Variants in GALNT12 observed in about 807,000 individuals in gnomAD.
GALNT12 encodes the protein UDP-GalNAc:polypeptide N-acetylgalactosaminyltransferase 12.
GALNT12 carries 45 observed loss-of-function variants against 55.5 expected under a neutral mutation model. The ratio of observed to expected loss-of-function variants is 0.81; its 90% CI spans 0.64 to 1.04. The LOEUF is 1.04. Ranked by LOEUF, GALNT12 falls within the 50% of genes least tolerant of loss-of-function variation. The pLI is 0.00. For synonymous variants in GALNT12, 304 were observed against 312.2 expected (o/e 0.97, Z 0.28); for missense variants, 709 against 754.8 (o/e 0.94, Z 0.71).
intron 3 of GALNT12, among the ~76,000 whole-genome samples, chr9:98,828,746 A>G (rs957286283): frequency 6.6e-6 from 1 of 152,224 alleles, no homozygotes; most frequent in Non-Finnish European, 1.5e-5. Context: ...ACAGGCATGC[A>G]ATGCATAATA....
chr9:98,835,267 T>C lies in GALNT12; in HGVS notation c.936T>C (p.Gly312=). Residue 312 remains glycine (G), a synonymous_variant, in exon 5 of 10, where the codon GGT becomes GGC. Transcript: ENST00000375011. ...TTTTTAGGTCTCCAACAATGGCTGG[T>C]GGGCTGTTTGCTGTGAGTAAGAAAT... ...VDVIRSPTMA[G]GLFAVSKKYF... 6.2e-7 allele frequency: 1 copy of C among 1,613,088 alleles called. No individual in the cohort carries two copies. Among genetic ancestry groups the C allele is most frequent in the Non-Finnish European group, 8.5e-7 (1 of 1,179,240 alleles).
At chr9:98,810,268 A>G (rs1835466317) in intron 1 of GALNT12, among the ~76,000 whole-genome samples, 2 of 152,044 alleles carry the variant, frequency 1.3e-5, no homozygotes, top group South Asian at 2.1e-4. Flanking sequence ...ATGTTGCAGG[A>G]GGGAGGGCCC....
intron 3 of GALNT12, among the ~76,000 whole-genome samples, chr9:98,827,986 C>G (rs1835898696): frequency 6.6e-6 from 1 of 152,146 alleles, no homozygotes; most frequent in African/African-American, 2.4e-5. Flanking sequence ...CCATGCTCTG[C>G]CTCGTCTCTC....
chr9:98,808,216 C>T, intron 1 of GALNT12, 147 bp downstream of exon 1: 1 of 608,424 alleles, frequency 1.6e-6, no homozygotes, highest in South Asian at 2.2e-5. Flanking sequence ...TGTAAGAGCT[C>T]ACATGGGGGC....
intron 1 of GALNT12, among the ~76,000 whole-genome samples, chr9:98,821,982 C>T (rs976555361): frequency 3.9e-5 from 6 of 152,156 alleles, no homozygotes; most frequent in African/African-American, 9.7e-5. Flanking sequence ...ATCTGACATG[C>T]GGTAGGTGCT....
At chr9:98,845,783 C>T (rs1423290065) in intron 8 of GALNT12, among the ~76,000 whole-genome samples, 194 bp from the exon 9 acceptor site, 1 of 152,146 alleles carries the variant, frequency 6.6e-6, no homozygotes, top group Non-Finnish European at 1.5e-5. Context: ...CCTCCACGCT[C>T]ATGAAGCACT....
At position 98,823,326 on chromosome 9, in the gene GALNT12, G is replaced by A; in HGVS notation, c.442G>A (p.Ala148Thr). Residue 148 changes from alanine (A) to threonine (T), a missense_variant, in exon 2 of 10, where the codon GCC (alanine) becomes ACC (threonine). Ala to Thr is a moderately conservative substitution (Grantham distance 58, BLOSUM62 0). This residue lies in a region of GALNT12 where 315 missense variants were observed against 288.6 expected (regional missense o/e 1.09). Coordinates refer to ENST00000375011, the MANE Select transcript of GALNT12 (RefSeq NM_024642.5). ...TSVIIAFYNE[A>T]WSTLLRTVYS... ...TGTTATCATAGCATTTTATAATGAA[G>A]CCTGGTCAACTCTCCTTCGGACAGT... 6.2e-7 allele frequency: 1 copy of A among 1,613,920 alleles called. No homozygotes were observed. Among genetic ancestry groups the A allele is most frequent in the African/African-American group, 1.3e-5 (1 of 75,042 alleles).
Position 98,844,142 on chromosome 9 carries a change from C to T in GALNT12, c.1391C>T (p.Pro464Leu), listed in dbSNP as rs2118493912. 6.2e-7 allele frequency: 1 copy of T among 1,613,984 alleles called. No individual in the cohort carries two copies. Among genetic ancestry groups the T allele is most frequent in the Non-Finnish European group, 8.5e-7 (1 of 1,179,938 alleles). ...GACTACTGCTTTGACTATAACCCTC[C>T]CGATGAAAACCAGATTGTGGGACAC... Reference protein sequence around the residue: ...LTDYCFDYNPPDENQIVGHQV... With the variant: ...LTDYCFDYNPLDENQIVGHQV... The change falls in exon 8 of 10, where the codon CCC (proline) becomes CTC (leucine). Residue 464 changes from proline (P) to leucine (L), a missense_variant. Transcript: ENST00000375011.
chr9:98,810,358 G>T (rs1835468318), intron 1 of GALNT12, among the ~76,000 whole-genome samples: 2 of 152,160 alleles, frequency 1.3e-5, no homozygotes, highest in African/African-American at 4.8e-5. Flanking sequence ...CAGAGCCACA[G>T]TCCATATCTG....
At chr9:98,835,160 G>C in intron 4 of GALNT12, 89 bp from the exon 5 acceptor site, 1 of 909,686 alleles carries the variant, frequency 1.1e-6, no homozygotes, top group Non-Finnish European at 1.9e-6. Context: ...CAGATGAACA[G>C]ATGAAAGGGC....
chr9:98,844,159 G>T lies in GALNT12; in HGVS notation c.1408G>T (p.Val470Leu), dbSNP rs1229455977. 1 of 1,614,052 alleles carries T rather than the reference G, an allele frequency of 6.2e-7. No individual in the cohort carries two copies. The highest frequency in any genetic ancestry group is 1.1e-5 in the South Asian group (1 of 91,078). The part of the protein sequence containing the change: ...DYNPPDENQI[V>L]GHQVILYLCH... The stretch of plus-strand genomic sequence containing the variant: ...TAACCCTCCCGATGAAAACCAGATT[G>T]TGGGACACCAGGTCATTCTGTACCT... The change falls in exon 8 of 10, where the codon GTG becomes TTG. Residue 470 changes from valine to leucine, a missense_variant. Coordinates refer to ENST00000375011, the MANE Select transcript of GALNT12 (RefSeq NM_024642.5).
At chr9:98,811,922 A>T (rs2118281848) in intron 1 of GALNT12, among the ~76,000 whole-genome samples, 1 of 152,218 alleles carries the variant, frequency 6.6e-6, no homozygotes, top group African/African-American at 2.4e-5. Context: ...ACCTCAGGAG[A>T]TCTGCCCGTG....
intron 9 of GALNT12, among the ~76,000 whole-genome samples, chr9:98,847,708 A>G (rs1564264742): frequency 6.6e-6 from 1 of 152,092 alleles, no homozygotes; most frequent in African/African-American, 2.4e-5. Context: ...ATATATATAT[A>G]AAACAAATAT....
intron 1 of GALNT12, among the ~76,000 whole-genome samples, chr9:98,816,810 C>A (rs1835622044): frequency 1.4e-5 from 2 of 138,380 alleles, no homozygotes; most frequent in African/African-American, 5.4e-5. Context: ...GCCACCATGT[C>A]CAGCTAATTT....
intron 6 of GALNT12, among the ~76,000 whole-genome samples, chr9:98,837,551 G>T (rs1310088175): frequency 6.6e-6 from 1 of 152,132 alleles, no homozygotes; most frequent in Non-Finnish European, 1.5e-5. Context: ...CTAACAGCAC[G>T]GTAACTCATG....
intron 4 of GALNT12, among the ~76,000 whole-genome samples, chr9:98,832,488 C>T (rs1048135101): frequency 4.6e-5 from 7 of 152,270 alleles, no homozygotes; most frequent in African/African-American, 1.7e-4. Flanking sequence ...AATTGTACTG[C>T]AGCCGGGCGA....
At chr9:98,812,821 A>G (rs1835523350) in intron 1 of GALNT12, among the ~76,000 whole-genome samples, 2 of 151,830 alleles carry the variant, frequency 1.3e-5, no homozygotes, top group Non-Finnish European at 2.9e-5. Flanking sequence ...TAGTAGTTAT[A>G]TTATCTATTT....
chr9:98,821,835 A>G (rs1473857192), intron 1 of GALNT12, among the ~76,000 whole-genome samples: 1 of 151,814 alleles, frequency 6.6e-6, no homozygotes, highest in African/African-American at 2.4e-5. Flanking sequence ...TCATTTTCAT[A>G]GTTTCAAAGT....
intron 2 of GALNT12, among the ~76,000 whole-genome samples, chr9:98,823,953 C>T (rs1054516184): frequency 1.4e-4 from 22 of 152,160 alleles, no homozygotes; most frequent in Non-Finnish European, 7.3e-5. Flanking sequence ...AGCATCAGCC[C>T]GTGAATCCTT....
Sources: allele counts gnomAD v4.1 joint callset (sites outside exome capture counted in the v4.1 genomes callset), GRCh38; gene constraint gnomAD v4.1.1; regional missense constraint gnomAD v4.1.1; transcripts MANE v1.5; gene names NCBI Gene and HGNC (gene_info 2026-07-23, HGNC 2026-07-21).